BAIAP2L1: variants seen among roughly 807,000 people sequenced by gnomAD.
BAIAP2L1 encodes BAR/IMD domain containing adaptor protein 2 like 1.
In BAIAP2L1, 35 loss-of-function variants were observed where a neutral mutation model predicts 66.3. The observed-to-expected ratio is 0.53, with a 90% confidence interval of 0.40 to 0.70. The LOEUF (loss-of-function observed/expected upper bound fraction) is 0.70, where lower values mean the gene tolerates loss of function less well. Ranked by LOEUF, BAIAP2L1 falls within the 30% of genes least tolerant of loss-of-function variation. BAIAP2L1 has a pLI of 0.00. For synonymous variants in BAIAP2L1, 269 were observed against 248.7 expected (o/e 1.08, Z -0.77); for missense variants, 622 against 656.9 (o/e 0.95, Z 0.58).
intron 1 of BAIAP2L1, among the ~76,000 whole-genome samples, chr7:98,376,548 C>T (rs916964154): frequency 6.7e-6 from 1 of 149,666 alleles, no homozygotes; most frequent in Non-Finnish European, 1.5e-5. Flanking sequence ...TGGCTGGGAG[C>T]GGTGGCTCAA....
chr7:98,358,643 C>G (rs1437307818), intron 2 of BAIAP2L1, among the ~76,000 whole-genome samples: 1 of 152,156 alleles, frequency 6.6e-6, no homozygotes, highest in Non-Finnish European at 1.5e-5. Context: ...AGGCATAAGC[C>G]ACCATACCTA....
chr7:98,300,834 C>G (rs1470807921), intron 12 of BAIAP2L1, among the ~76,000 whole-genome samples: 2 of 152,212 alleles, frequency 1.3e-5, no homozygotes, highest in Non-Finnish European at 2.9e-5. Flanking sequence ...CCGACCCCAG[C>G]TCTTGAGCCC....
chr7:98,373,551 A>G (rs1802558167), intron 1 of BAIAP2L1, among the ~76,000 whole-genome samples: 1 of 151,996 alleles, frequency 6.6e-6, no homozygotes, highest in African/African-American at 2.4e-5. Flanking sequence ...TCACATCACC[A>G]CCTCTGTGAG....
intron 3 of BAIAP2L1, among the ~76,000 whole-genome samples, chr7:98,328,703 C>A (rs1415294386): frequency 2.7e-5 from 4 of 149,200 alleles, no homozygotes; most frequent in Non-Finnish European, 4.5e-5. Context: ...AAAAAAAATT[C>A]ATGATACACA....
At chr7:98,300,089 C>T (rs899769884) in intron 12 of BAIAP2L1, among the ~76,000 whole-genome samples, 5 of 152,324 alleles carry the variant, frequency 3.3e-5, no homozygotes, top group Admixed American at 6.5e-5. Flanking sequence ...CTAGTTCCTT[C>T]GTTGCACCAT....
intron 1 of BAIAP2L1, chr7:98,386,457 T>C: frequency 2.5e-6 from 4 of 1,597,302 alleles, no homozygotes; most frequent in Non-Finnish European, 3.4e-6. Flanking sequence ...CTTTCCAATA[T>C]TTCTTATACT....
At chr7:98,395,524 G>A (rs1015751820) in intron 1 of BAIAP2L1, among the ~76,000 whole-genome samples, 11 of 152,038 alleles carry the variant, frequency 7.2e-5, no homozygotes, top group Non-Finnish European at 1.5e-4. Context: ...TCAGGGAGTG[G>A]CCATGGTTTG....
chr7:98,348,855 G>A (rs1392621333), intron 3 of BAIAP2L1, among the ~76,000 whole-genome samples: 1 of 152,248 alleles, frequency 6.6e-6, no homozygotes, highest in Non-Finnish European at 1.5e-5. Flanking sequence ...GGTCACACAA[G>A]TTAACAGCAG....
intron 12 of BAIAP2L1, among the ~76,000 whole-genome samples, chr7:98,295,847 C>A (rs1029241289): frequency 6.6e-6 from 1 of 152,182 alleles, no homozygotes; most frequent in African/African-American, 2.4e-5. Context: ...ACAAAGAACG[C>A]AGCAAGAAGC....
At position 98,306,486 on chromosome 7, in the gene BAIAP2L1, C is replaced by T. The variant is rs775794764; in HGVS notation, c.1194G>A (p.Lys398=). Residue 398 remains lysine, a synonymous_variant, in exon 11 of 14, where the codon AAG becomes AAA. Coordinates refer to ENST00000005260, the MANE Select transcript of BAIAP2L1 (RefSeq NM_018842.5). ...CTTCTGTCTCATTTTCTTCCAGCAACTTCGTGTACGACGACGGGAACCAAC... is the reference window on the plus strand; with the variant it reads ...CTTCTGTCTCATTTTCTTCCAGCAATTTCGTGTACGACGACGGGAACCAAC... ...ARGWFPSSYT[K]LLEENETEAV... 1 of 1,614,178 alleles carries T rather than the reference C, an allele frequency of 6.2e-7. No individual in the cohort carries two copies. The highest frequency in any genetic ancestry group is 8.5e-7 in the Non-Finnish European group (1 of 1,180,036).
intron 1 of BAIAP2L1, among the ~76,000 whole-genome samples, chr7:98,366,106 G>A (rs1292676704): frequency 1.3e-5 from 2 of 152,064 alleles, no homozygotes; most frequent in African/African-American, 4.8e-5. Context: ...CTTCTGCTGA[G>A]AAGTTTCTAA....
intron 12 of BAIAP2L1, 120 bp downstream of exon 12, chr7:98,304,069 TCCTCCCC>T: frequency 9.9e-7 from 1 of 1,012,152 alleles, no homozygotes; most frequent in Non-Finnish European, 1.4e-6. Flanking sequence ...CCCTCCTCCC[TCCTCCCC>T]GGGGACACCA....
chr7:98,308,450 A>G (rs1800748088), intron 9 of BAIAP2L1: 2 of 370,088 alleles, frequency 5.4e-6, no homozygotes, highest in Non-Finnish European at 1.1e-5. Context: ...CACGATCTCA[A>G]TGTCTCACAG....
At chr7:98,360,811 A>C (rs1287997205) in intron 2 of BAIAP2L1, among the ~76,000 whole-genome samples, 1 of 152,100 alleles carries the variant, frequency 6.6e-6, no homozygotes, top group African/African-American at 2.4e-5. Context: ...AGTCACGGGG[A>C]CCACTGGAGG....
At chr7:98,296,428 C>T (rs1439117599) in intron 12 of BAIAP2L1, among the ~76,000 whole-genome samples, 3 of 152,108 alleles carry the variant, frequency 2.0e-5, no homozygotes, top group Non-Finnish European at 4.4e-5. Context: ...GAGTTCGAGA[C>T]CAGCCTGACC....
At chr7:98,366,397 T>C (rs1332923285) in intron 1 of BAIAP2L1, among the ~76,000 whole-genome samples, 1 of 152,152 alleles carries the variant, frequency 6.6e-6, no homozygotes, top group East Asian at 1.9e-4. Flanking sequence ...CTCCGATTCC[T>C]GCCCCCACCT....
intron 3 of BAIAP2L1, among the ~76,000 whole-genome samples, chr7:98,321,954 G>A (rs761353557): frequency 1.3e-5 from 2 of 152,110 alleles, no homozygotes. Context: ...AAATTAGCTG[G>A]GCATGATGGC....
At chr7:98,304,750 T>C (rs1039225610) in intron 11 of BAIAP2L1, among the ~76,000 whole-genome samples, 1 of 151,942 alleles carries the variant, frequency 6.6e-6, no homozygotes, top group Admixed American at 6.6e-5. Flanking sequence ...GGTTTCACCA[T>C]ATTGGCCAGG....
rs1373678535 is a variant in BAIAP2L1 at position 98,384,131 on chromosome 7, G to C, written c.51+16671C>G. ...ATCGCACCATTGCAATCCAGCCTGG[G>C]CAACAAGAGTGAAACTCCGTCTCAG... is the stretch of plus-strand genomic sequence containing the variant. On this transcript the variant is annotated intron_variant, in intron 1 of 13. Coordinates refer to ENST00000005260, the MANE Select transcript of BAIAP2L1 (RefSeq NM_018842.5). Among the ~76,000 whole-genome samples the C allele has an allele frequency of 2.0e-4, 30 of 150,174 alleles. No homozygotes were observed. The Admixed American group carries it at 2.0e-3, about 10-fold the overall frequency.
Sources: allele counts gnomAD v4.1 joint callset (sites outside exome capture counted in the v4.1 genomes callset), GRCh38; gene constraint gnomAD v4.1.1; transcripts MANE v1.5; gene names NCBI Gene and HGNC (gene_info 2026-07-23, HGNC 2026-07-21).